Variants in SLC10A7 observed in about 807,000 individuals in gnomAD.
SLC10A7 encodes the protein sodium/bile acid cotransporter 7.
A neutral mutation model predicts 43.2 loss-of-function variants in SLC10A7; 29 were observed. The ratio of observed to expected loss-of-function variants is 0.67; its 90% CI spans 0.50 to 0.92. The LOEUF (loss-of-function observed/expected upper bound fraction) is 0.92. Among genes scored for constraint, SLC10A7 ranks in the 40% least tolerant of loss-of-function variants. The probability of loss-of-function intolerance (pLI) is 0.00; values close to 1 mark genes in which losing one functional copy is unlikely to be tolerated. For synonymous variants in SLC10A7, 152 were observed against 144.8 expected (o/e 1.05, Z -0.35); for missense variants, 295 against 403.2 (o/e 0.73, Z 2.30).
At chr4:146,343,554 TAAA>T (rs1366073488) in intron 5 of SLC10A7, among the ~76,000 whole-genome samples, 2 of 152,018 alleles carry the variant, frequency 1.3e-5, no homozygotes, top group Non-Finnish European at 2.9e-5. Context: ...TGTCCTTCCT[TAAA>T]GAACAGAAAA....
At chr4:146,483,090 G>A (rs1240426587) in intron 4 of SLC10A7, among the ~76,000 whole-genome samples, 3 of 152,120 alleles carry the variant, frequency 2.0e-5, no homozygotes, top group East Asian at 3.8e-4. Flanking sequence ...AGTACTAAAA[G>A]GAGTTCCTTA....
At chr4:146,303,053 G>C (rs1317721454) in intron 7 of SLC10A7, among the ~76,000 whole-genome samples, 1 of 152,094 alleles carries the variant, frequency 6.6e-6, no homozygotes, top group Admixed American at 6.5e-5. Flanking sequence ...ACTCACCCAA[G>C]GTCACAGCCC....
At chr4:146,493,991 C>T (rs943121032) in intron 4 of SLC10A7, among the ~76,000 whole-genome samples, 11 of 152,210 alleles carry the variant, frequency 7.2e-5, no homozygotes, top group Middle Eastern at 3.4e-3. Flanking sequence ...AATGAATGAG[C>T]GAATTTAGAA....
chr4:146,444,741 AACTC>A (rs1224906014), intron 4 of SLC10A7, among the ~76,000 whole-genome samples: 4 of 152,172 alleles, frequency 2.6e-5, no homozygotes, highest in Non-Finnish European at 5.9e-5. Context: ...GATGGATTTG[AACTC>A]ACTCAGTCAG....
intron 5 of SLC10A7, among the ~76,000 whole-genome samples, chr4:146,422,272 C>A (rs552456889): frequency 4.6e-5 from 7 of 152,186 alleles, no homozygotes; most frequent in Admixed American, 3.3e-4. Context: ...ATAACTGTCT[C>A]CAATAATGTA....
chr4:146,511,423 T>C lies in SLC10A7; in HGVS notation c.184-1374A>G, dbSNP rs545455851. Among the ~76,000 whole-genome samples, 162 of 152,344 alleles carry C rather than the reference T, an allele frequency of 1.1e-3. 1 individual carries two copies. The highest frequency in any genetic ancestry group is 0.01 in the Middle Eastern group (3 of 294). On this transcript the variant is annotated intron_variant, in intron 2 of 11. Coordinates refer to ENST00000335472, the MANE Select transcript of SLC10A7 (RefSeq NM_001029998.6). Reference sequence around the variant, plus strand: ...GCCAGAGAGTTACTGGTTGTAAGTATAGAACTGCAATGGCCCCTTTGTTCA... The same window carrying C: ...GCCAGAGAGTTACTGGTTGTAAGTACAGAACTGCAATGGCCCCTTTGTTCA...
chr4:146,295,860 A>G (rs1335633055), intron 7 of SLC10A7, among the ~76,000 whole-genome samples: 1 of 152,156 alleles, frequency 6.6e-6, no homozygotes, highest in African/African-American at 2.4e-5. Flanking sequence ...GGTTAAAAAC[A>G]CCACAAAATT....
chr4:146,359,564 G>A lies in SLC10A7; in HGVS notation c.436-33568C>T, dbSNP rs537584934. 3.3e-5 allele frequency among the ~76,000 whole-genome samples: 5 copies of A among 152,224 alleles called. No individual in the cohort carries two copies. In the East Asian group the frequency reaches 7.7e-4, roughly 24 times the overall value. ...GAAGAAATGGATTCACAGAGGAAGT[G>A]TAAAGGGGTGTTAAGGGGTGACAGT... is the stretch of plus-strand genomic sequence containing the variant. On this transcript the variant is annotated intron_variant, in intron 5 of 11. Transcript: ENST00000335472.
intron 7 of SLC10A7, among the ~76,000 whole-genome samples, chr4:146,303,834 G>A (rs1389876985): frequency 6.7e-6 from 1 of 149,676 alleles, no homozygotes; most frequent in Non-Finnish European, 1.5e-5. Context: ...GCATATTTCA[G>A]TTAATCTTTA....
At chr4:146,379,777 G>T (rs1173153556) in intron 5 of SLC10A7, among the ~76,000 whole-genome samples, 1 of 152,054 alleles carries the variant, frequency 6.6e-6, no homozygotes, top group African/African-American at 2.4e-5. Context: ...AGTATTTCTA[G>T]ATCATCCCAC....
At chr4:146,344,647 C>A (rs997716313) in intron 5 of SLC10A7, among the ~76,000 whole-genome samples, 1 of 151,962 alleles carries the variant, frequency 6.6e-6, no homozygotes, top group African/African-American at 2.4e-5. Flanking sequence ...TACTCTCATT[C>A]TCTTGCAGTT....
intron 10 of SLC10A7, among the ~76,000 whole-genome samples, chr4:146,278,329 T>G (rs1266011516): frequency 3.3e-5 from 5 of 152,172 alleles, no homozygotes; most frequent in African/African-American, 1.2e-4. Flanking sequence ...AGATTCTTTA[T>G]GTACCAAGTA....
At chr4:146,279,290 G>A (rs1357825138) in intron 10 of SLC10A7, among the ~76,000 whole-genome samples, 1 of 152,092 alleles carries the variant, frequency 6.6e-6, no homozygotes, top group East Asian at 1.9e-4. Flanking sequence ...TCGTGAGAAA[G>A]TTTTCTGCAT....
chr4:146,347,287 A>G (rs1338820074), intron 5 of SLC10A7, among the ~76,000 whole-genome samples: 1 of 152,154 alleles, frequency 6.6e-6, no homozygotes, highest in East Asian at 1.9e-4. Context: ...AATCTCTCAC[A>G]GAAGCTTCAT....
intron 1 of SLC10A7, among the ~76,000 whole-genome samples, chr4:146,519,371 A>G (rs1738407133): frequency 6.8e-6 from 1 of 147,706 alleles, no homozygotes; most frequent in Admixed American, 6.9e-5. Context: ...ATGACCTACT[A>G]TGTCTTAGGC....
At chr4:146,303,858 C>G (rs893298160) in intron 7 of SLC10A7, among the ~76,000 whole-genome samples, 1 of 78,056 alleles carries the variant, frequency 1.3e-5, no homozygotes, top group Non-Finnish European at 2.6e-5. Flanking sequence ...CAACCCTTTA[C>G]GATAGATATT....
chr4:146,325,850 C>T (rs1733066151), intron 6 of SLC10A7, 111 bp downstream of exon 6: 3 of 974,762 alleles, frequency 3.1e-6, no homozygotes, highest in Non-Finnish European at 4.7e-6. Flanking sequence ...AACAACAATT[C>T]CAAATATGGT....
chr4:146,434,002 G>A (rs1279369924), intron 5 of SLC10A7, among the ~76,000 whole-genome samples: 1 of 152,122 alleles, frequency 6.6e-6, no homozygotes, highest in Admixed American at 6.5e-5. Flanking sequence ...GTACAAAAAT[G>A]TTGTGGCAGT....
chr4:146,509,209 A>C (rs756542159), intron 3 of SLC10A7, among the ~76,000 whole-genome samples: 9 of 152,186 alleles, frequency 5.9e-5, no homozygotes, highest in East Asian at 1.9e-4. Flanking sequence ...ACTCCCCAAC[A>C]TGCAAAACTA....
Sources: allele counts gnomAD v4.1 joint callset (sites outside exome capture counted in the v4.1 genomes callset), GRCh38; gene constraint gnomAD v4.1.1; transcripts MANE v1.5; gene names NCBI Gene and HGNC (gene_info 2026-07-23, HGNC 2026-07-21).